The following USP54 variants were observed in gnomAD, a reference collection of about 807,000 sequenced individuals.
USP54 encodes the protein ubiquitin specific peptidase 54.
USP54 carries 87 observed loss-of-function variants against 170.5 expected under a neutral mutation model. The observed-to-expected ratio is 0.51, with a 90% CI of 0.43 to 0.61. The LOEUF is 0.61. Ranked by LOEUF, USP54 falls within the 20% of genes least tolerant of loss-of-function variation. The probability of loss-of-function intolerance (pLI) is 0.00; values close to 1 mark genes in which losing one functional copy is unlikely to be tolerated. For missense variants in USP54, 1,786 were observed against 2,047.8 expected (o/e 0.87, Z 2.47); for synonymous variants, 655 against 742.8 (o/e 0.88, Z 1.92).
chr10:73,592,314 A>T (rs538483484), upstream of USP54, among the ~76,000 whole-genome samples: 1 of 152,168 alleles, frequency 6.6e-6, no homozygotes, highest in Non-Finnish European at 1.5e-5. Context: ...CTATAGGTTG[A>T]GAGAAAATAT....
At chr10:73,516,088 C>G (rs2061030943) in intron 20 of USP54, among the ~76,000 whole-genome samples, 1 of 151,934 alleles carries the variant, frequency 6.6e-6, no homozygotes, top group Non-Finnish European at 1.5e-5. Context: ...GGCCCTGAAC[C>G]ATTCTTTAGC....
Position 73,536,916 on chromosome 10 carries a change from A to G in USP54, c.976-479T>C, listed in dbSNP as rs60376712. On this transcript the variant is annotated intron_variant, in intron 10 of 23. Coordinates refer to ENST00000687698, the MANE Select transcript of USP54 (RefSeq NM_001391956.1). The stretch of plus-strand genomic sequence containing the variant: ...CACAGACTGCCTTAGAACAAATGAC[A>G]TTCAGTTTCAGAGTTCGCAAATGGT... Among the ~76,000 whole-genome samples the G allele has an allele frequency of 2.6e-5, 4 of 152,372 alleles. No individual in the cohort carries two copies. The East Asian group carries it at 7.7e-4, about 29-fold the overall frequency.
At chr10:73,509,116 A>G (rs2059777485) in intron 20 of USP54, among the ~76,000 whole-genome samples, 1 of 151,028 alleles carries the variant, frequency 6.6e-6, no homozygotes. Flanking sequence ...AAAAAAAAAA[A>G]AAAAAAAAAA....
Position 73,554,811 on chromosome 10 carries a change from T to A in USP54, c.241-9139A>T, listed in dbSNP as rs554046035. The stretch of plus-strand genomic sequence containing the variant: ...TTCAAAATATATCTCTAAAAAATAA[T>A]AACTTTTTCTCTGAAACATGACCAT... On this transcript the variant is annotated intron_variant, in intron 4 of 23. Coordinates refer to ENST00000687698, the MANE Select transcript of USP54 (RefSeq NM_001391956.1). 1.8e-3 allele frequency among the ~76,000 whole-genome samples: 278 copies of A among 152,334 alleles called. 1 individual carries two copies. The highest frequency in any genetic ancestry group is 5.9e-3 in the African/African-American group (244 of 41,584).
intron 2 of USP54, 24 bp from the exon 3 acceptor site, chr10:73,575,699 T>C (rs2076028453): frequency 6.5e-7 from 1 of 1,528,636 alleles, no homozygotes; most frequent in African/African-American, 1.4e-5. Flanking sequence ...GGAGAAGGAT[T>C]TGTGCCTTTT....
intron 20 of USP54, 47 bp from the exon 21 acceptor site, chr10:73,505,473 G>A (rs1207160723): frequency 1.3e-6 from 2 of 1,513,174 alleles, no homozygotes. Context: ...TCTTCCCCTA[G>A]GGCCTAACCT....
At chr10:73,561,371 T>C (rs1256746151) in intron 4 of USP54, among the ~76,000 whole-genome samples, 2 of 152,126 alleles carry the variant, frequency 1.3e-5, no homozygotes, top group Non-Finnish European at 2.9e-5. Flanking sequence ...ACATCTGTAA[T>C]CCTAGCAGCT....
At chr10:73,568,951 C>T (rs2074423782) in intron 4 of USP54, among the ~76,000 whole-genome samples, 1 of 152,138 alleles carries the variant, frequency 6.6e-6, no homozygotes. Context: ...AACAATTTGT[C>T]CCTCAGGAAA....
intron 4 of USP54, among the ~76,000 whole-genome samples, chr10:73,570,903 C>A (rs1297374305): frequency 6.6e-6 from 1 of 151,968 alleles, no homozygotes; most frequent in Admixed American, 6.6e-5. Context: ...TTTGGGAGGC[C>A]GAGGCAGGCA....
intron 3 of USP54, among the ~76,000 whole-genome samples, chr10:73,574,805 C>G (rs1282575032): frequency 6.8e-6 from 1 of 147,144 alleles, no homozygotes; most frequent in African/African-American, 2.5e-5. Flanking sequence ...GCTGCAGGAG[C>G]TGTGATTGGG....
chr10:73,544,540 G>A (rs1453303673), intron 5 of USP54, among the ~76,000 whole-genome samples: 1 of 152,080 alleles, frequency 6.6e-6, no homozygotes, highest in Non-Finnish European at 1.5e-5. Context: ...AGATCATACG[G>A]TAGTTTACAT....
intron 20 of USP54, 122 bp downstream of exon 20, chr10:73,516,253 T>C (rs1333057294): frequency 8.8e-7 from 1 of 1,138,872 alleles, no homozygotes; most frequent in African/African-American, 1.5e-5. Flanking sequence ...AAGTCAAAAG[T>C]TCTATTACCT....
chr10:73,526,682 G>A lies in USP54; in HGVS notation c.2159C>T (p.Ser720Phe), dbSNP rs1260442034. The A allele has an allele frequency of 6.2e-7, 1 of 1,614,142 alleles. No homozygotes were observed. Among genetic ancestry groups the A allele is most frequent in the Non-Finnish European group, 8.5e-7 (1 of 1,180,012 alleles). The change falls in exon 16 of 24, where the codon TCC becomes TTC. Residue 720 changes from serine (S) to phenylalanine (F), a missense_variant. By Grantham distance (155) the Ser-to-Phe change is radical. Coordinates refer to ENST00000687698, the MANE Select transcript of USP54 (RefSeq NM_001391956.1). Reference sequence around the variant, plus strand: ...CTGACTCTTTGTCCAGCCACCCATGGATGCTGTGGAGTCTACCTCCAGGAT... The same window carrying A: ...CTGACTCTTTGTCCAGCCACCCATGAATGCTGTGGAGTCTACCTCCAGGAT... ...SSILEVDSTA[S>F]MGGWTKSQPF...
At chr10:73,542,227 T>C (rs935772629) in intron 7 of USP54, among the ~76,000 whole-genome samples, 2 of 152,084 alleles carry the variant, frequency 1.3e-5, no homozygotes, top group East Asian at 1.9e-4. Flanking sequence ...GCCTTCAGAA[T>C]AGCTGGGATT....
At chr10:73,539,818 G>A (rs1454143063) in intron 9 of USP54, among the ~76,000 whole-genome samples, 1 of 152,152 alleles carries the variant, frequency 6.6e-6, no homozygotes, top group African/African-American at 2.4e-5. Context: ...GAACAACCTA[G>A]ACTAGATAGC....
intron 7 of USP54, chr10:73,541,966 G>A: frequency 1.9e-6 from 1 of 532,846 alleles, no homozygotes; most frequent in South Asian, 2.4e-5. Flanking sequence ...GGCCAGTACT[G>A]AGCCTAAGAA....
chr10:73,615,520 C>T (rs190659824), intron 1 of USP54, among the ~76,000 whole-genome samples: 1 of 150,462 alleles, frequency 6.6e-6, no homozygotes, highest in East Asian at 1.9e-4. Flanking sequence ...ATGAATTCCC[C>T]ATTTTACATG....
chr10:73,530,669 T>C (rs758860833), intron 13 of USP54, 35 bp downstream of exon 13: 3 of 1,610,826 alleles, frequency 1.9e-6, no homozygotes, highest in Non-Finnish European at 2.5e-6. Context: ...ATAGAGTGAA[T>C]GAAGGAGAAA....
At chr10:73,529,450 A>T (rs750212760) in intron 15 of USP54, 5 of 557,766 alleles carry the variant, frequency 9.0e-6, no homozygotes, top group Admixed American at 5.9e-5. Flanking sequence ...CTAATTTTTT[A>T]AAATTATTTT....
Sources: allele counts gnomAD v4.1 joint callset (sites outside exome capture counted in the v4.1 genomes callset), GRCh38; gene constraint gnomAD v4.1.1; transcripts MANE v1.5; gene names NCBI Gene and HGNC (gene_info 2026-07-23, HGNC 2026-07-21).